Variants in PHTF2 observed in about 807,000 individuals in gnomAD.
The protein encoded by PHTF2 is protein PHTF2.
Under a neutral mutation model 101.2 loss-of-function variants are expected in PHTF2, and 60 were observed. The observed-to-expected ratio is 0.59, with a 90% CI of 0.48 to 0.73. The LOEUF is 0.73. Among genes scored for constraint, PHTF2 ranks in the 30% least tolerant of loss-of-function variants. The pLI, the probability that PHTF2 is intolerant of heterozygous loss-of-function variation, is 0.00. For missense variants in PHTF2, 747 were observed against 908.7 expected (o/e 0.82, Z 2.29); for synonymous variants, 311 against 307.3 (o/e 1.01, Z -0.13).
rs558430681 is a variant in PHTF2, at chr7:77,846,403, T to C, written c.45+6103T>C. 5.8e-4 allele frequency among the ~76,000 whole-genome samples: 89 copies of C among 152,334 alleles called. 4 individuals are homozygous for C. The South Asian group carries it at 0.018, about 32-fold the overall frequency. ...CCAATAATAATAATAGCAAACCTTA[T>C]GTGATGCTTATTATGTGCCACTTTT... On this transcript the variant is annotated intron_variant, in intron 2 of 19. Coordinates refer to ENST00000416283, the Ensembl canonical transcript of PHTF2.
chr7:77,871,244 G>T (rs556015090), intron 3 of PHTF2, among the ~76,000 whole-genome samples: 1 of 152,292 alleles, frequency 6.6e-6, no homozygotes, highest in East Asian at 1.9e-4. Context: ...ACGGCATGGT[G>T]ATATTAAGAG....
At chr7:77,887,429 T>G (rs904951316) in intron 3 of PHTF2, among the ~76,000 whole-genome samples, 4 of 152,336 alleles carry the variant, frequency 2.6e-5, no homozygotes, top group South Asian at 4.1e-4. Flanking sequence ...TGTTGTTGTT[T>G]TTTTTTAAAT....
intron 16 of PHTF2, among the ~76,000 whole-genome samples, chr7:77,947,562 CAAAAA>C (rs532668514): frequency 6.6e-6 from 1 of 150,390 alleles, no homozygotes; most frequent in Non-Finnish European, 1.5e-5. Flanking sequence ...GACTCAGTCT[CAAAAA>C]AAATTAAAAA....
intron 11 of PHTF2, among the ~76,000 whole-genome samples, chr7:77,928,538 T>A (rs2150940085): frequency 6.6e-6 from 1 of 151,972 alleles, no homozygotes; most frequent in Non-Finnish European, 1.5e-5. Context: ...GGTATCCACG[T>A]GAGATTGGTA....
chr7:77,955,005 C>T, exon 20 of PHTF2: 1 of 435,962 alleles, frequency 2.3e-6, no homozygotes, highest in Non-Finnish European at 4.3e-6. Context: ...TTACATCAGA[C>T]TGTCTTGTGC....
intron 1 of PHTF2, among the ~76,000 whole-genome samples, chr7:77,812,561 A>G (rs767554821): frequency 6.6e-6 from 1 of 152,068 alleles, no homozygotes; most frequent in Non-Finnish European, 1.5e-5. Flanking sequence ...AATAAATGTA[A>G]GAAATAATGT....
chr7:77,937,837 G>A, exon 13 of PHTF2: 1 of 1,491,280 alleles, frequency 6.7e-7, no homozygotes, highest in Non-Finnish European at 9.0e-7. Context: ...ATAATGAACA[G>A]AGTGAGTTTT....
chr7:77,918,687 C>T (rs1294322856), intron 9 of PHTF2, among the ~76,000 whole-genome samples: 2 of 152,274 alleles, frequency 1.3e-5, no homozygotes, highest in East Asian at 3.9e-4. Flanking sequence ...GTTTCCTCTG[C>T]GTCTTTTATT....
chr7:77,863,787 G>T (rs200603819), intron 3 of PHTF2, among the ~76,000 whole-genome samples: 99 of 132,098 alleles, frequency 7.5e-4, no homozygotes, highest in Middle Eastern at 8.3e-3. Flanking sequence ...GTTTTGTTTT[G>T]TTTTTTTTTT....
chr7:77,836,364 C>A (rs904410232), intron 1 of PHTF2, among the ~76,000 whole-genome samples: 1 of 152,038 alleles, frequency 6.6e-6, no homozygotes, highest in African/African-American at 2.4e-5. Context: ...CACATGTAAG[C>A]GGACCAGCGC....
At chr7:77,888,592 C>T (rs1800083132) in intron 3 of PHTF2, among the ~76,000 whole-genome samples, 1 of 152,168 alleles carries the variant, frequency 6.6e-6, no homozygotes, top group Non-Finnish European at 1.5e-5. Flanking sequence ...ATTTATTTCT[C>T]AATTGAAGAC....
intron 3 of PHTF2, among the ~76,000 whole-genome samples, chr7:77,876,408 C>T (rs1055622200): frequency 3.0e-4 from 45 of 152,094 alleles, no homozygotes; most frequent in African/African-American, 1.0e-3. Context: ...TTTATAAATG[C>T]GTCTGTGGCC....
At chr7:77,826,154 A>T (rs1794681924) in intron 1 of PHTF2, among the ~76,000 whole-genome samples, 1 of 152,220 alleles carries the variant, frequency 6.6e-6, no homozygotes, top group African/African-American at 2.4e-5. Context: ...AGAGAAAAAA[A>T]TTCAAGATGG....
intron 3 of PHTF2, among the ~76,000 whole-genome samples, chr7:77,879,679 A>G (rs535335109): frequency 1.3e-5 from 2 of 152,250 alleles, no homozygotes; most frequent in East Asian, 1.9e-4. Context: ...GACATAGTCA[A>G]TTATCTATCA....
In PHTF2 at chr7:77,845,653, GTGTGTGTGTGTA is replaced by G. The variant is rs1277073886; in HGVS notation, c.45+5363_45+5374del. On this transcript the variant is annotated intron_variant, in intron 2 of 19. Coordinates refer to ENST00000416283, the Ensembl canonical transcript of PHTF2. ...TTAATGTGTGTGTGGGCATGCACAC[GTGTGTGTGTGTA>G]TGTGTGTGTACTTAAGTATGTGTAG... 4.6e-5 allele frequency among the ~76,000 whole-genome samples: 7 copies of G among 152,140 alleles called. No homozygotes were observed. In the East Asian group the frequency reaches 1.2e-3, roughly 25 times the overall value.
chr7:77,859,461 T>TA (rs775594457), intron 3 of PHTF2, among the ~76,000 whole-genome samples: 1 of 152,182 alleles, frequency 6.6e-6, no homozygotes, highest in Non-Finnish European at 1.5e-5. Flanking sequence ...TCTTAAAAGT[T>TA]ACGATTGTCG....
chr7:77,815,376 G>A (rs546695401), intron 1 of PHTF2, among the ~76,000 whole-genome samples: 123 of 152,016 alleles, frequency 8.1e-4, no homozygotes, highest in African/African-American at 2.8e-3. Context: ...TGGAAATGTT[G>A]GAATATATTG....
At chr7:77,905,963 A>G (rs1363806873) in intron 7 of PHTF2, among the ~76,000 whole-genome samples, 1 of 151,826 alleles carries the variant, frequency 6.6e-6, no homozygotes, top group African/African-American at 2.4e-5. Flanking sequence ...ATTATATAAA[A>G]TAAGTGAATG....
chr7:77,945,284 G>A (rs1213876078), intron 16 of PHTF2, among the ~76,000 whole-genome samples: 1 of 152,238 alleles, frequency 6.6e-6, no homozygotes, highest in East Asian at 1.9e-4. Context: ...GTTGCAGTGA[G>A]CCAAGGTCAC....
Sources: allele counts gnomAD v4.1 joint callset (sites outside exome capture counted in the v4.1 genomes callset), GRCh38; gene constraint gnomAD v4.1.1; transcripts MANE v1.5; gene names NCBI Gene and HGNC (gene_info 2026-07-23, HGNC 2026-07-21).